The following SARS1 variants were observed in gnomAD, a reference collection of about 807,000 sequenced individuals.
SARS1 encodes the protein seryl-tRNA synthetase 1, also known as serine--tRNA ligase, cytoplasmic.
Under a neutral mutation model 63.7 loss-of-function variants are expected in SARS1, and 25 were observed. The observed-to-expected ratio is 0.39, with a 90% confidence interval of 0.29 to 0.55. SARS1 has a LOEUF of 0.55. Ranked by LOEUF, SARS1 falls within the 20% of genes least tolerant of loss-of-function variation. The pLI is 0.62. For synonymous variants in SARS1, 231 were observed against 243.5 expected (o/e 0.95, Z 0.48); for missense variants, 417 against 649.7 (o/e 0.64, Z 3.89).
intron 1 of SARS1, among the ~76,000 whole-genome samples, chr1:109,218,010 T>C (rs1019062224): frequency 2.6e-5 from 4 of 151,608 alleles, no homozygotes; most frequent in African/African-American, 7.3e-5. Context: ...GCTAACACGG[T>C]GAAACCCCAT....
chr1:109,220,791 T>C (rs939119593), intron 1 of SARS1, among the ~76,000 whole-genome samples: 2 of 152,282 alleles, frequency 1.3e-5, no homozygotes, highest in Admixed American at 6.5e-5. Flanking sequence ...GAATTTGTAT[T>C]CTGTTTTGAA....
At chr1:109,233,556 C>T (rs1346581765) in intron 6 of SARS1, among the ~76,000 whole-genome samples, 1 of 151,810 alleles carries the variant, frequency 6.6e-6, no homozygotes, top group African/African-American at 2.4e-5. Flanking sequence ...ATCTGCTTTC[C>T]CATTGACCTA....
At chr1:109,233,395 G>A (rs1655246554) in intron 6 of SARS1, among the ~76,000 whole-genome samples, 1 of 152,048 alleles carries the variant, frequency 6.6e-6, no homozygotes, top group East Asian at 1.9e-4. Flanking sequence ...GTATGTGAAT[G>A]GCCCCACAGT....
intron 4 of SARS1, among the ~76,000 whole-genome samples, chr1:109,230,169 C>T (rs1483853588): frequency 6.6e-6 from 1 of 151,216 alleles, no homozygotes; most frequent in Non-Finnish European, 1.5e-5. Flanking sequence ...CCAATGAGAG[C>T]CTGGAAAAAA....
Position 109,214,211 on chromosome 1 carries a change from C to T in SARS1, c.136+83C>T. On this transcript the variant is annotated intron_variant, in intron 1 of 10. Transcript: ENST00000234677. The surrounding 1 kb of genome is among the most constrained non-coding windows in gnomAD (Gnocchi z 4.6). Reference sequence around the variant, plus strand: ...AATCCAGCCACCGCTCCTGAGGCCACAGCTTCCACCCTTCGTCAGACCCCC... The same window carrying T: ...AATCCAGCCACCGCTCCTGAGGCCATAGCTTCCACCCTTCGTCAGACCCCC... The T allele has an allele frequency of 6.7e-7, 1 of 1,492,290 alleles. No individual in the cohort carries two copies. The highest frequency in any genetic ancestry group is 9.1e-7 in the Non-Finnish European group (1 of 1,100,838). The allele number at this position is 1,492,290 out of a possible 1,614,324, so 92.4% of individuals were successfully genotyped here. A position where few individuals can be genotyped will look rare whatever the true frequency, so the allele number is the denominator to read the frequency against.
rs567192948 is a variant in SARS1 at position 109,215,613 on chromosome 1, A to T, written c.136+1485A>T. On this transcript the variant is annotated intron_variant, in intron 1 of 10. Coordinates refer to ENST00000234677, the MANE Select transcript of SARS1 (RefSeq NM_006513.4). ...CGTGAATATTTTCTGTCTTCAGGGC[A>T]CTTTATATTCTTTATGAAAAGCAGT... The T allele has an allele frequency of 7.7e-5, 76 of 981,404 alleles. No individual in the cohort carries two copies. In the South Asian group the frequency reaches 3.2e-3, roughly 41 times the overall value. 60.8% of individuals were successfully genotyped at this position (981,404 alleles called of 1,614,324 possible).
In SARS1 at chr1:109,236,022, G is replaced by A. The variant is rs1424347466; in HGVS notation, c.1015G>A (p.Glu339Lys). 6.2e-7 allele frequency: 1 copy of A among 1,613,848 alleles called. No individual in the cohort carries two copies. Among genetic ancestry groups the A allele is most frequent in the Non-Finnish European group, 8.5e-7 (1 of 1,179,824 alleles). Residue 339 changes from glutamate to lysine, a missense_variant, in exon 8 of 11, where the codon GAG becomes AAG. Coordinates refer to ENST00000234677, the MANE Select transcript of SARS1 (RefSeq NM_006513.4). ...YSSPHDNKSW[E>K]MFEEMITTAE... is the part of the protein sequence containing the mutation. Reference sequence around the variant, plus strand: ...ATCACCCCATGACAACAAGTCATGGGAGATGTTTGAAGAGATGATTACCAC... The same window carrying A: ...ATCACCCCATGACAACAAGTCATGGAAGATGTTTGAAGAGATGATTACCAC...
At position 109,235,136 on chromosome 1, in the gene SARS1, T is replaced by A. The variant is rs563299382; in HGVS notation, c.748-74T>A. 24 of 1,202,792 alleles carry A rather than the reference T, an allele frequency of 2.0e-5. No individual in the cohort carries two copies. Among genetic ancestry groups the A allele is most frequent in the Non-Finnish European group, 3.0e-5 (24 of 811,148 alleles). The allele number at this position is 1,202,792 out of a possible 1,614,324, so 74.5% of individuals were successfully genotyped here. ...TTTTTCCTGCACTATTATTGATCTCTTTCTTGTGGTTTCTTATTCTAGCCA... is the reference window on the plus strand; with the variant it reads ...TTTTTCCTGCACTATTATTGATCTCATTCTTGTGGTTTCTTATTCTAGCCA... On this transcript the variant is annotated intron_variant, in intron 6 of 10. Coordinates refer to ENST00000234677, the MANE Select transcript of SARS1 (RefSeq NM_006513.4). This position sits in a 1 kb window ranked among gnomAD's most constrained non-coding sequence, Gnocchi z 4.7.
chr1:109,220,529 C>G (rs1289570229), intron 1 of SARS1, among the ~76,000 whole-genome samples: 4 of 152,164 alleles, frequency 2.6e-5, no homozygotes, highest in African/African-American at 4.8e-5. Context: ...TGAGAAGTAT[C>G]TGTTCAAGCC....
chr1:109,219,546 T>C (rs1429753478), intron 1 of SARS1, among the ~76,000 whole-genome samples: 1 of 150,992 alleles, frequency 6.6e-6, no homozygotes, highest in Non-Finnish European at 1.5e-5. Flanking sequence ...AGATTCTTGC[T>C]CAGTCACCCA....
chr1:109,231,809 C>T, intron 6 of SARS1, 23 bp downstream of exon 6: 1 of 1,482,508 alleles, frequency 6.7e-7, no homozygotes, highest in Non-Finnish European at 9.0e-7. Flanking sequence ...GGTCAGGTGA[C>T]AGAATGACTT....
At position 109,214,958 on chromosome 1, in the gene SARS1, T is replaced by C; in HGVS notation, c.136+830T>C. On this transcript the variant is annotated intron_variant, in intron 1 of 10. Coordinates refer to ENST00000234677, the MANE Select transcript of SARS1 (RefSeq NM_006513.4). This position sits in a 1 kb window ranked among gnomAD's most constrained non-coding sequence, Gnocchi z 4.6. ...CTGTATTAACTGGAGTGGTCGCTGG[T>C]TGGGCGGATGCTGTCAAGTACTTGT... 1.0e-6 allele frequency: 1 copy of C among 985,454 alleles called. No homozygotes were observed. The allele number at this position is 985,454 out of a possible 1,614,324, so 61.0% of individuals were successfully genotyped here.
intron 8 of SARS1, 101 bp downstream of exon 8, chr1:109,236,207 C>T: frequency 7.2e-7 from 1 of 1,388,710 alleles, no homozygotes; most frequent in Non-Finnish European, 9.9e-7. Context: ...CAATTCAACT[C>T]ATTGCCCACA....
intron 1 of SARS1, among the ~76,000 whole-genome samples, chr1:109,222,177 T>C (rs1429673872): frequency 6.6e-6 from 1 of 151,328 alleles, no homozygotes; most frequent in East Asian, 1.9e-4. Context: ...TTTTCTTTTA[T>C]ACTCCCAATA....
chr1:109,215,031 G>A, intron 1 of SARS1: 1 of 985,474 alleles, frequency 1.0e-6, no homozygotes, highest in Non-Finnish European at 1.2e-6. Flanking sequence ...TGGGAGCTAG[G>A]TCGATGACAG....
At chr1:109,219,809 G>C (rs192876034) in intron 1 of SARS1, among the ~76,000 whole-genome samples, 1 of 152,076 alleles carries the variant, frequency 6.6e-6, no homozygotes, top group African/African-American at 2.4e-5. Flanking sequence ...CACCGCGCCC[G>C]GCATGGCTTC....
At chr1:109,232,485 A>T (rs574877515) in intron 6 of SARS1, among the ~76,000 whole-genome samples, 1 of 152,178 alleles carries the variant, frequency 6.6e-6, no homozygotes, top group Admixed American at 6.5e-5. Flanking sequence ...CTTAGTTCCT[A>T]CTGGCTTATT....
rs182617249 is a variant in SARS1 at position 109,228,399 on chromosome 1, G to A, written c.255G>A (p.Leu85=). The A allele has an allele frequency of 3.1e-6, 5 of 1,613,726 alleles. No individual in the cohort carries two copies. In the Admixed American group the frequency reaches 8.3e-5, roughly 27 times the overall value. ...GDDESVPENV[L]SFDDLTADAL... The stretch of plus-strand genomic sequence containing the variant: ...ATGAGTCTGTCCCAGAGAATGTGCT[G>A]AGTTTCGATGACCTTACTGCAGACG... The change falls in exon 3 of 11, where the codon CTG becomes CTA. Residue 85 remains leucine (L), a synonymous_variant. Transcript: ENST00000234677.
chr1:109,218,917 G>A (rs1420818373), intron 1 of SARS1, among the ~76,000 whole-genome samples: 2 of 152,032 alleles, frequency 1.3e-5, no homozygotes, highest in Non-Finnish European at 2.9e-5. Flanking sequence ...AAATCTTAGT[G>A]TACAGGTTGA....
Sources: allele counts gnomAD v4.1 joint callset (sites outside exome capture counted in the v4.1 genomes callset), GRCh38; gene constraint gnomAD v4.1.1; non-coding constraint Gnocchi (gnomAD v3.1); transcripts MANE v1.5; gene names NCBI Gene and HGNC (gene_info 2026-07-23, HGNC 2026-07-21).